The following CNBD1 variants were observed in gnomAD, a reference collection of about 807,000 sequenced individuals.
The protein encoded by CNBD1 is cyclic nucleotide binding domain containing 1, also known as cyclic nucleotide-binding domain-containing protein 1.
Under a neutral mutation model 54.4 loss-of-function variants are expected in CNBD1, and 71 were observed. The observed-to-expected ratio is 1.30, with a 90% CI of 1.08 to 1.59. The LOEUF (loss-of-function observed/expected upper bound fraction) is 1.59. CNBD1 is among the 40% of genes most tolerant of loss of function. CNBD1 has a pLI of 0.00. For synonymous variants in CNBD1, 182 were observed against 170.7 expected, an observed-to-expected ratio of 1.07 and a Z score of -0.51; for missense variants, 659 against 518.0, an observed-to-expected ratio of 1.27 and a Z score of -2.64.
At chr8:87,135,739 T>C (rs1357280196) in intron 4 of CNBD1, among the ~76,000 whole-genome samples, 1 of 150,458 alleles carries the variant, frequency 6.6e-6, no homozygotes, top group Non-Finnish European at 1.5e-5. Context: ...ATCCAACATA[T>C]ATATAATATA....
chr8:86,894,472 G>T (rs1457378386), intron 2 of CNBD1, among the ~76,000 whole-genome samples: 2 of 152,098 alleles, frequency 1.3e-5, no homozygotes, highest in Non-Finnish European at 2.9e-5. Context: ...TCAATATCTT[G>T]CAGAAGCATG....
intron 4 of CNBD1, among the ~76,000 whole-genome samples, chr8:87,042,013 G>A (rs1052362094): frequency 6.6e-6 from 1 of 152,174 alleles, no homozygotes; most frequent in African/African-American, 2.4e-5. Context: ...GAGATGGTGA[G>A]AAGTAGTCAG....
intron 10 of CNBD1, among the ~76,000 whole-genome samples, chr8:87,372,662 A>G (rs1563574877): frequency 1.3e-5 from 2 of 151,866 alleles, no homozygotes; most frequent in East Asian, 1.9e-4. Flanking sequence ...TTATTTGTCC[A>G]CAAATAAGTG....
chr8:87,052,486 A>G (rs927411464), intron 4 of CNBD1, among the ~76,000 whole-genome samples: 1 of 152,194 alleles, frequency 6.6e-6, no homozygotes, highest in Non-Finnish European at 1.5e-5. Flanking sequence ...GCATTCCAGT[A>G]TGCACATTAG....
chr8:86,981,425 C>T (rs531551216), intron 4 of CNBD1, among the ~76,000 whole-genome samples: 21 of 152,196 alleles, frequency 1.4e-4, no homozygotes, highest in African/African-American at 4.8e-4. Context: ...TCTCTTATTA[C>T]CCAGATTCTG....
In CNBD1 at chr8:87,031,390, G is replaced by C. The variant is rs532864527; in HGVS notation, c.431+91636G>C. Among the ~76,000 whole-genome samples the C allele has an allele frequency of 1.1e-3, 160 of 152,306 alleles. 1 individual carries two copies. Among genetic ancestry groups the C allele is most frequent in the Non-Finnish European group, 1.8e-3 (121 of 68,032 alleles). On this transcript the variant is annotated intron_variant, in intron 4 of 10. Coordinates refer to ENST00000518476, the MANE Select transcript of CNBD1 (RefSeq NM_173538.3). ...ATCAAACTGAGGTTCAGAGAGATCA[G>C]TGGAGTTGTTGCTACACTTCAGCCT...
intron 1 of CNBD1, among the ~76,000 whole-genome samples, chr8:86,878,080 CTGTG>C (rs145093111): frequency 1.5e-4 from 20 of 135,872 alleles, no homozygotes; most frequent in Non-Finnish European, 2.5e-4. Context: ...TTCATCAAAG[CTGTG>C]TGTGTGTGTG....
intron 4 of CNBD1, among the ~76,000 whole-genome samples, chr8:86,980,940 T>A (rs1181499042): frequency 6.6e-6 from 1 of 152,208 alleles, no homozygotes; most frequent in Non-Finnish European, 1.5e-5. Flanking sequence ...CAGAACTTAA[T>A]ACACATATGC....
chr8:87,071,919 C>T (rs759015351), intron 4 of CNBD1, among the ~76,000 whole-genome samples: 1 of 152,078 alleles, frequency 6.6e-6, no homozygotes, highest in Non-Finnish European at 1.5e-5. Context: ...GTATTAAAAT[C>T]TCCCACTATA....
chr8:86,919,931 T>C (rs561344844), intron 3 of CNBD1, among the ~76,000 whole-genome samples: 1 of 152,202 alleles, frequency 6.6e-6, no homozygotes, highest in Admixed American at 6.6e-5. Flanking sequence ...TACCAGCTGA[T>C]CCTAATGATA....
chr8:86,945,197 T>C (rs1563831985), intron 4 of CNBD1, among the ~76,000 whole-genome samples: 1 of 152,136 alleles, frequency 6.6e-6, no homozygotes, highest in Non-Finnish European at 1.5e-5. Flanking sequence ...GTGGAAAGGG[T>C]AGGAGAAGAG....
At chr8:86,880,104 C>G (rs2446125) in intron 1 of CNBD1, among the ~76,000 whole-genome samples, 105,277 of 152,026 alleles carry the variant, frequency 0.69, 37,009 homozygotes, top group African/African-American at 0.8. Flanking sequence ...TTAGTTAGGC[C>G]ATTATTGTAG....
intron 1 of CNBD1, among the ~76,000 whole-genome samples, chr8:86,877,056 A>T (rs1808531346): frequency 6.6e-6 from 1 of 152,068 alleles, no homozygotes. Context: ...GAAATGAGAA[A>T]AATTTCCCTC....
chr8:87,267,691 G>T (rs997365718), intron 6 of CNBD1, among the ~76,000 whole-genome samples: 7 of 152,010 alleles, frequency 4.6e-5, no homozygotes, highest in African/African-American at 1.7e-4. Flanking sequence ...GAAAATGAAT[G>T]GACTACATTA....
chr8:87,391,796 G>T (rs79587159), intron 2 of CNBD1, among the ~76,000 whole-genome samples: 1,764 of 152,088 alleles, frequency 0.012, 36 homozygotes, highest in African/African-American at 0.038. Context: ...ACCCTTTTCA[G>T]ACACAAAAGC....
intron 4 of CNBD1, among the ~76,000 whole-genome samples, chr8:87,129,094 A>AAAAAAAAAAAT (rs1491092510): frequency 7.3e-6 from 1 of 136,292 alleles, no homozygotes; most frequent in Non-Finnish European, 1.5e-5. Flanking sequence ...AAAAAAAAGA[A>AAAAAAAAAAAT]TTTTGCTATC....
rs143380363 is a variant in CNBD1, at chr8:87,369,705, C to T, written c.1304-12915C>T. Among the ~76,000 whole-genome samples, 19 of 151,764 alleles carry T rather than the reference C, an allele frequency of 1.3e-4. 1 individual carries two copies. In the East Asian group the frequency reaches 3.7e-3, roughly 30 times the overall value. On this transcript the variant is annotated intron_variant, in intron 10 of 10. Transcript: ENST00000518476. ...TGAGTATCATTTGTGGATGATTTGTCACTTTCCTAGTGCTGCTTTCTTTTT... is the reference window on the plus strand; with the variant it reads ...TGAGTATCATTTGTGGATGATTTGTTACTTTCCTAGTGCTGCTTTCTTTTT...
At chr8:87,253,033 T>G (rs1485283400) in intron 6 of CNBD1, among the ~76,000 whole-genome samples, 3 of 152,004 alleles carry the variant, frequency 2.0e-5, no homozygotes, top group Non-Finnish European at 4.4e-5. Context: ...GGACAATGAA[T>G]AATAGGCAGG....
chr8:87,240,693 G>T lies in CNBD1; in HGVS notation c.771+3581G>T, dbSNP rs145838075. On this transcript the variant is annotated intron_variant, in intron 6 of 10. Coordinates refer to ENST00000518476, the MANE Select transcript of CNBD1 (RefSeq NM_173538.3). Reference sequence around the variant, plus strand: ...TAGCTTGGTTTTCTGGCTCTTTCCAGTCAGGAAAGGAAGGAGGCTGGGAAT... The same window carrying T: ...TAGCTTGGTTTTCTGGCTCTTTCCATTCAGGAAAGGAAGGAGGCTGGGAAT... Among the ~76,000 whole-genome samples the T allele has an allele frequency of 3.1e-3, 466 of 152,178 alleles. 4 individuals are homozygous for T. Among genetic ancestry groups the T allele is most frequent in the Admixed American group, 5.2e-3 (79 of 15,266 alleles).
Sources: allele counts gnomAD v4.1 joint callset (sites outside exome capture counted in the v4.1 genomes callset), GRCh38; gene constraint gnomAD v4.1.1; transcripts MANE v1.5; gene names NCBI Gene and HGNC (gene_info 2026-07-23, HGNC 2026-07-21).